PTPRZ1: variants seen among roughly 807,000 people sequenced by gnomAD.
The protein encoded by PTPRZ1 is protein tyrosine phosphatase receptor type Z1, also known as receptor-type tyrosine-protein phosphatase zeta.
A neutral mutation model predicts 214.1 loss-of-function variants in PTPRZ1; 82 were observed. The observed-to-expected ratio is 0.38, with a 90% CI of 0.32 to 0.46. PTPRZ1 has a LOEUF of 0.46. Ranked by LOEUF, PTPRZ1 falls within the 20% of genes least tolerant of loss-of-function variation. The probability of loss-of-function intolerance (pLI) is 1.00; values close to 1 mark genes in which losing one functional copy is unlikely to be tolerated. For synonymous variants in PTPRZ1, 945 were observed against 987.9 expected, an observed-to-expected ratio of 0.96 and a Z score of 0.81; for missense variants, 2,603 against 2,748.7, an observed-to-expected ratio of 0.95 and a Z score of 1.19.
At chr7:121,879,099 A>G (rs150962464) in intron 1 of PTPRZ1, among the ~76,000 whole-genome samples, 10 of 152,348 alleles carry the variant, frequency 6.6e-5, no homozygotes, top group African/African-American at 2.2e-4. Context: ...TGGAGCTGTC[A>G]TGAATGTGAT....
chr7:121,873,474 G>A lies in PTPRZ1; in HGVS notation c.-26G>A. 2 of 1,613,202 alleles carry A rather than the reference G, an allele frequency of 1.2e-6. No individual in the cohort carries two copies. Among genetic ancestry groups the A allele is most frequent in the South Asian group, 1.1e-5 (1 of 90,964 alleles). Reference sequence around the variant, plus strand: ...ACTCTGAGAAGCAGAGGAGCCGCACGGCGAGGGGCCGCAGACCGTCTGGAA... The same window carrying A: ...ACTCTGAGAAGCAGAGGAGCCGCACAGCGAGGGGCCGCAGACCGTCTGGAA... On this transcript the variant is annotated 5_prime_UTR_variant, in exon 1 of 30. Transcript: ENST00000393386.
chr7:121,985,529 G>A (rs1293925285), intron 8 of PTPRZ1, among the ~76,000 whole-genome samples: 1 of 152,150 alleles, frequency 6.6e-6, no homozygotes. Flanking sequence ...ACTCCATGAA[G>A]TCCCCTGAAG....
At chr7:122,059,990 A>T in intron 29 of PTPRZ1, 102 bp downstream of exon 29, 1 of 1,163,412 alleles carries the variant, frequency 8.6e-7, no homozygotes. Context: ...TTATTAACTG[A>T]TAACATTAGT....
rs1478873209 is a variant in PTPRZ1 at position 121,929,807 on chromosome 7, C to A, written c.124+1586C>A. Among the ~76,000 whole-genome samples the A allele has an allele frequency of 9.7e-4, 130 of 133,824 alleles. 1 individual carries two copies. Among genetic ancestry groups the A allele is most frequent in the African/African-American group, 3.5e-3 (122 of 34,878 alleles). 87.8% of individuals were successfully genotyped at this position (133,824 alleles called of 152,430 possible). On this transcript the variant is annotated intron_variant, in intron 2 of 29. Coordinates refer to ENST00000393386, the MANE Select transcript of PTPRZ1 (RefSeq NM_002851.3). ...TGGGTGACAGAGCAAGACTCCATCT[C>A]AAAAAAAAAATAAAAATAAAAAATA...
chr7:122,011,964 A>G lies in PTPRZ1; in HGVS notation c.2918A>G (p.Lys973Arg), dbSNP rs1191601582. Residue 973 changes from lysine (K) to arginine (R), a missense_variant, in exon 12 of 30, where the codon AAG (lysine) becomes AGG (arginine). By Grantham distance (26) the Lys-to-Arg change is conservative (BLOSUM62 2). Around this residue, in one of 6 missense-constraint regions of PTPRZ1, gnomAD observed 1,913 missense variants for 1,914.3 expected, o/e 1.00. Transcript: ENST00000393386. ...FSGPSHIPIP[K>R]SSLITPTASL... ...GGCCCTAGCCATATACCAATACCTA[A>G]GTCTTCGTTAATAACCCCAACTGCA... is the stretch of plus-strand genomic sequence containing the variant. 6.2e-7 allele frequency: 1 copy of G among 1,614,152 alleles called. No individual in the cohort carries two copies.
intron 14 of PTPRZ1, 88 bp from the exon 15 acceptor site, chr7:122,031,386 A>G: frequency 1.1e-6 from 1 of 876,504 alleles, no homozygotes. Context: ...CAAATAATTG[A>G]AGTTGTTTCA....
chr7:122,020,652 A>C (rs1798987471), intron 13 of PTPRZ1, among the ~76,000 whole-genome samples: 2 of 152,182 alleles, frequency 1.3e-5, no homozygotes, highest in Admixed American at 1.3e-4. Flanking sequence ...CTTCATGATC[A>C]ACTGTATTTC....
chr7:122,049,673 T>A (rs965226916), intron 23 of PTPRZ1, among the ~76,000 whole-genome samples: 9 of 152,108 alleles, frequency 5.9e-5, no homozygotes, highest in African/African-American at 1.9e-4. Flanking sequence ...TAAAATATAA[T>A]GTTGATACAT....
At chr7:122,048,976 T>C (rs1201566668) in intron 23 of PTPRZ1, among the ~76,000 whole-genome samples, 1 of 152,058 alleles carries the variant, frequency 6.6e-6, no homozygotes, top group Non-Finnish European at 1.5e-5. Flanking sequence ...GCAACTCAAA[T>C]CCAGCAGTGT....
chr7:121,888,242 A>C (rs1794461993), intron 1 of PTPRZ1, among the ~76,000 whole-genome samples: 1 of 151,870 alleles, frequency 6.6e-6, no homozygotes, highest in Non-Finnish European at 1.5e-5. Context: ...TTGTGTCAAG[A>C]ATCGAATCAA....
chr7:121,909,615 T>C (rs1388097449), intron 1 of PTPRZ1, among the ~76,000 whole-genome samples: 1 of 152,150 alleles, frequency 6.6e-6, no homozygotes, highest in Non-Finnish European at 1.5e-5. Flanking sequence ...ACTACTTTGC[T>C]CAACAGTCAT....
At chr7:122,025,864 G>A (rs1306229280) in intron 13 of PTPRZ1, among the ~76,000 whole-genome samples, 1 of 152,174 alleles carries the variant, frequency 6.6e-6, no homozygotes, top group African/African-American at 2.4e-5. Flanking sequence ...AGTCAGGAGA[G>A]AAAAGGCAGG....
At chr7:122,057,075 C>T (rs1355578130) in intron 27 of PTPRZ1, among the ~76,000 whole-genome samples, 1 of 151,834 alleles carries the variant, frequency 6.6e-6, no homozygotes, top group Non-Finnish European at 1.5e-5. Flanking sequence ...GTTGCTATTA[C>T]GAACAGTGCT....
intron 2 of PTPRZ1, among the ~76,000 whole-genome samples, chr7:121,938,784 T>C (rs1187081370): frequency 2.0e-5 from 3 of 152,182 alleles, no homozygotes; most frequent in African/African-American, 7.2e-5. Context: ...TGGTTTTCAA[T>C]GGGGAGAATT....
At position 122,012,013 on chromosome 7, in the gene PTPRZ1, C is replaced by T. The variant is rs778599086; in HGVS notation, c.2967C>T (p.Ala989=). The T allele has an allele frequency of 1.2e-6, 2 of 1,614,162 alleles. No homozygotes were observed. The highest frequency in any genetic ancestry group is 2.2e-5 in the South Asian group (2 of 91,090). Residue 989 remains alanine (A), a synonymous_variant, in exon 12 of 30, where the codon GCC becomes GCT. Coordinates refer to ENST00000393386, the MANE Select transcript of PTPRZ1 (RefSeq NM_002851.3). ...CATCATTACTGCAGCCTACTCATGC[C>T]CTCTCTGGTGATGGGGAATGGTCTG... ...PTASLLQPTH[A]LSGDGEWSGA... is the part of the protein sequence containing the mutation.
At chr7:122,034,411 A>T in intron 17 of PTPRZ1, 33 bp downstream of exon 17, 1 of 1,588,684 alleles carries the variant, frequency 6.3e-7, no homozygotes, top group East Asian at 2.2e-5. Context: ...TCTGACTTCA[A>T]TATCATTGCC....
intron 2 of PTPRZ1, among the ~76,000 whole-genome samples, chr7:121,965,408 G>A (rs80237541): frequency 0.016 from 2,369 of 151,874 alleles, 25 homozygotes; most frequent in Middle Eastern, 0.024. Context: ...TTTGTTTTTT[G>A]TTTTTGTGAT....
intron 2 of PTPRZ1, among the ~76,000 whole-genome samples, chr7:121,936,449 A>C (rs1309794607): frequency 6.6e-6 from 1 of 152,226 alleles, no homozygotes; most frequent in Non-Finnish European, 1.5e-5. Context: ...TTAAAGAATT[A>C]AAGTTAGTTT....
intron 11 of PTPRZ1, among the ~76,000 whole-genome samples, chr7:122,005,382 C>T (rs79514232): frequency 8.3e-4 from 126 of 151,826 alleles, no homozygotes; most frequent in African/African-American, 2.6e-3. Context: ...GATGATAATA[C>T]GAATGTGTAC....
Sources: allele counts gnomAD v4.1 joint callset (sites outside exome capture counted in the v4.1 genomes callset), GRCh38; gene constraint gnomAD v4.1.1; regional missense constraint gnomAD v4.1.1; transcripts MANE v1.5; gene names NCBI Gene and HGNC (gene_info 2026-07-23, HGNC 2026-07-21).